Variants in RNF130 observed in about 807,000 individuals in gnomAD.
RNF130 encodes E3 ubiquitin-protein ligase RNF130.
Under a neutral mutation model 44.6 loss-of-function variants are expected in RNF130, and 21 were observed. The observed-to-expected ratio is 0.47, with a 90% confidence interval of 0.33 to 0.68. The LOEUF (loss-of-function observed/expected upper bound fraction) is 0.68, where lower values mean the gene tolerates loss of function less well. Among genes scored for constraint, RNF130 ranks in the 30% least tolerant of loss-of-function variants. The pLI is 0.02. For missense variants in RNF130, 479 were observed against 560.6 expected, an observed-to-expected ratio of 0.85 and a Z score of 1.47; for synonymous variants, 214 against 210.4, an observed-to-expected ratio of 1.02 and a Z score of -0.15.
intron 1 of RNF130, among the ~76,000 whole-genome samples, chr5:180,062,275 T>C (rs1211696249): frequency 1.3e-5 from 2 of 152,074 alleles, no homozygotes; most frequent in East Asian, 1.9e-4. Flanking sequence ...TTGGTCAGGA[T>C]GGTCTCGATC....
Position 179,963,518 on chromosome 5 carries a change from T to C in RNF130, c.1197A>G (p.Thr399=). 6.2e-7 allele frequency: 1 copy of C among 1,614,024 alleles called. No homozygotes were observed. Among genetic ancestry groups the C allele is most frequent in the Non-Finnish European group, 8.5e-7 (1 of 1,179,920 alleles). Residue 399 remains threonine (T), a synonymous_variant, in exon 8 of 9, where the codon ACA becomes ACG. Transcript: ENST00000521389. ...TGGCTCTGATGATCATGTAGCAGAG[T>C]GTGAGGGCACTGAGGAGGCCAAAAC... ...IASFGLLSAL[T]LCYMIIRATA... is the part of the protein sequence containing the mutation.
intron 2 of RNF130, among the ~76,000 whole-genome samples, chr5:180,024,565 C>T (rs1351149656): frequency 6.6e-6 from 1 of 151,876 alleles, no homozygotes; most frequent in Non-Finnish European, 1.5e-5. Flanking sequence ...TCTGTCAACA[C>T]AAAAATTTAT....
At chr5:179,937,311 G>A (rs1761905550) in intron 7 of RNF130, among the ~76,000 whole-genome samples, 1 of 152,156 alleles carries the variant, frequency 6.6e-6, no homozygotes, top group African/African-American at 2.4e-5. Flanking sequence ...TCTGATAAGG[G>A]CCTAGTATCT....
exon 8 of RNF130, chr5:179,917,219 G>A (rs1011249605): frequency 6.6e-6 from 1 of 150,814 alleles, no homozygotes; most frequent in Non-Finnish European, 1.5e-5. Context: ...CAAAGCGGAA[G>A]CATTTGCATT....
chr5:179,987,729 A>AT (rs1378997226), intron 3 of RNF130, among the ~76,000 whole-genome samples: 5 of 152,220 alleles, frequency 3.3e-5, no homozygotes, highest in Non-Finnish European at 5.9e-5. Context: ...AGAATCTGGT[A>AT]TTTGTTGTTC....
chr5:179,920,246 C>T (rs1244362343), exon 8 of RNF130: 1 of 661,692 alleles, frequency 1.5e-6, no homozygotes, highest in East Asian at 2.7e-5. Flanking sequence ...CAGGAGAATA[C>T]AAAATAAGAA....
At chr5:180,067,929 C>T (rs543963265) in intron 1 of RNF130, among the ~76,000 whole-genome samples, 1 of 152,246 alleles carries the variant, frequency 6.6e-6, no homozygotes. Context: ...TTAAAGGCTT[C>T]GTCTAATAGG....
chr5:179,935,557 G>A (rs984555305), intron 7 of RNF130, among the ~76,000 whole-genome samples: 4 of 151,818 alleles, frequency 2.6e-5, no homozygotes, highest in Non-Finnish European at 4.4e-5. Context: ...CTATCTTTGA[G>A]TATTTAATTA....
rs1244293673 is a variant in RNF130 at position 180,013,176 on chromosome 5, C to G, written c.578G>C (p.Gly193Ala). Residue 193 changes from glycine to alanine, a missense_variant, in exon 3 of 9, where the codon GGC becomes GCC. Physicochemically the swap from Gly to Ala is moderately conservative, Grantham distance 60. This residue lies in a region of RNF130 where 180 missense variants were observed against 275.1 expected (regional missense o/e 0.65). Transcript: ENST00000521389. ...TRMPPKNFSR[G>A]SLVFVSISFI... ...GGATATTGACACGAAGACTAGAGAG[C>G]CACGGCTGAAGTTCTTCGGTGGCAT... 1 of 1,614,042 alleles carries G rather than the reference C, an allele frequency of 6.2e-7. No individual in the cohort carries two copies. Among genetic ancestry groups the G allele is most frequent in the Non-Finnish European group, 8.5e-7 (1 of 1,180,000 alleles).
intron 1 of RNF130, among the ~76,000 whole-genome samples, chr5:180,063,439 A>G (rs573158677): frequency 1.3e-5 from 2 of 152,162 alleles, no homozygotes; most frequent in Non-Finnish European, 2.9e-5. Context: ...GATGGGAAAG[A>G]CTGGAGAGCA....
At chr5:179,987,522 G>T (rs907271195) in intron 3 of RNF130, among the ~76,000 whole-genome samples, 1 of 152,198 alleles carries the variant, frequency 6.6e-6, no homozygotes, top group African/African-American at 2.4e-5. Context: ...GCACTATGTG[G>T]AACAGAGGGG....
intron 1 of RNF130, among the ~76,000 whole-genome samples, chr5:180,055,628 C>T (rs1764801580): frequency 6.6e-6 from 1 of 152,176 alleles, no homozygotes; most frequent in South Asian, 2.1e-4. Flanking sequence ...GTATAATAGC[C>T]ATACACTACT....
At chr5:179,957,805 A>C (rs1762241720) in intron 8 of RNF130, among the ~76,000 whole-genome samples, 1 of 152,276 alleles carries the variant, frequency 6.6e-6, no homozygotes, top group South Asian at 2.1e-4. Context: ...GTTAATTTTA[A>C]ATCTTTTCTG....
chr5:180,044,652 C>T (rs1191650479), intron 1 of RNF130, among the ~76,000 whole-genome samples: 3 of 151,908 alleles, frequency 2.0e-5, no homozygotes, highest in Admixed American at 1.3e-4. Flanking sequence ...ACCAACACAG[C>T]GAAACCCCAT....
Position 179,978,238 on chromosome 5 carries a change from A to G in RNF130, c.813T>C (p.Tyr271=), listed in dbSNP as rs369961797. Residue 271 remains tyrosine, a synonymous_variant, in exon 5 of 9, where the codon TAT becomes TAC. Coordinates refer to ENST00000521389, the MANE Select transcript of RNF130 (RefSeq NM_018434.6). ...GAATTCGGACGACATCATTCTGCTT[A>G]TAGCTCTCTATGCAGACTGCACAAT... ...FDHCAVCIES[Y]KQNDVVRILP... 105 of 1,614,014 alleles carry G rather than the reference A, an allele frequency of 6.5e-5. No homozygotes were observed. Among genetic ancestry groups the G allele is most frequent in the Non-Finnish European group, 8.5e-5 (100 of 1,179,944 alleles).
chr5:180,027,183 G>A (rs1286647170), intron 2 of RNF130, among the ~76,000 whole-genome samples: 1 of 152,142 alleles, frequency 6.6e-6, no homozygotes, highest in Non-Finnish European at 1.5e-5. Context: ...CATCCCTTGA[G>A]ACTGTCTGGG....
intron 1 of RNF130, among the ~76,000 whole-genome samples, chr5:180,060,531 C>T (rs114894500): frequency 0.024 from 3,612 of 152,226 alleles, 72 homozygotes; most frequent in Non-Finnish European, 0.038. Flanking sequence ...AATGGAATAA[C>T]GCCCAGCAGC....
rs1380520102 is a variant in RNF130 at position 180,055,315 on chromosome 5, T to C, written c.248-14668A>G. 2.0e-5 allele frequency among the ~76,000 whole-genome samples: 3 copies of C among 146,672 alleles called. No individual in the cohort carries two copies. The East Asian group carries it at 6.0e-4, about 29-fold the overall frequency. On this transcript the variant is annotated intron_variant, in intron 1 of 8. Coordinates refer to ENST00000521389, the MANE Select transcript of RNF130 (RefSeq NM_018434.6). ...ACAGCAAACAAACAAAAAATGCAAT[T>C]TTTTTTTTCTTTGAGAAGGAGTCAC... is the stretch of plus-strand genomic sequence containing the variant.
chr5:180,026,336 A>AT (rs1763984913), intron 2 of RNF130, among the ~76,000 whole-genome samples: 1 of 152,248 alleles, frequency 6.6e-6, no homozygotes, highest in Admixed American at 6.5e-5. Context: ...TGATTAAACA[A>AT]TAACAGTAAA....
Sources: allele counts gnomAD v4.1 joint callset (sites outside exome capture counted in the v4.1 genomes callset), GRCh38; gene constraint gnomAD v4.1.1; regional missense constraint gnomAD v4.1.1; transcripts MANE v1.5; gene names NCBI Gene and HGNC (gene_info 2026-07-23, HGNC 2026-07-21).